Variants in ABI3BP observed in about 807,000 individuals in gnomAD.
ABI3BP encodes the protein target of Nesh-SH3.
A neutral mutation model predicts 268.6 loss-of-function variants in ABI3BP; 216 were observed. The ratio of observed to expected loss-of-function variants is 0.80; its 90% CI spans 0.72 to 0.90. The LOEUF (loss-of-function observed/expected upper bound fraction) is 0.90. Among genes scored for constraint, ABI3BP ranks in the 40% least tolerant of loss-of-function variants. The pLI, the probability that ABI3BP is intolerant of heterozygous loss-of-function variation, is 0.00. For synonymous variants in ABI3BP, 730 were observed against 730.0 expected, an observed-to-expected ratio of 1.00 and a Z score of 0.00; for missense variants, 2,090 against 2,182.4, an observed-to-expected ratio of 0.96 and a Z score of 0.84.
chr3:100,794,902 A>T, intron 54 of ABI3BP, 21 bp downstream of exon 54: 1 of 1,534,594 alleles, frequency 6.5e-7, no homozygotes. Context: ...CTCTTTGAAC[A>T]AATATTAAAA....
chr3:100,830,813 T>C (rs2098478636), intron 31 of ABI3BP, among the ~76,000 whole-genome samples, 179 bp from the exon 32 acceptor site: 1 of 152,150 alleles, frequency 6.6e-6, no homozygotes, highest in South Asian at 2.1e-4. Context: ...TTTAATCAGG[T>C]ACTCGTTTGA....
intron 59 of ABI3BP, 130 bp from the exon 60 acceptor site, chr3:100,775,465 G>A (rs2096671921): frequency 8.3e-7 from 1 of 1,201,016 alleles, no homozygotes; most frequent in Non-Finnish European, 1.2e-6. Flanking sequence ...GGCTTGGAGA[G>A]AAAACAAGAC....
intron 57 of ABI3BP, among the ~76,000 whole-genome samples, chr3:100,781,790 A>C (rs1414541291): frequency 6.6e-6 from 1 of 152,102 alleles, no homozygotes; most frequent in Non-Finnish European, 1.5e-5. Context: ...TTGATCCAAT[A>C]CTGTGCAAGT....
At chr3:100,877,244 C>T (rs1037118124) in intron 6 of ABI3BP, among the ~76,000 whole-genome samples, 5 of 152,134 alleles carry the variant, frequency 3.3e-5, no homozygotes, top group African/African-American at 1.2e-4. Context: ...GCTAAGCTAC[C>T]TATTATCTTT....
chr3:100,850,149 A>G, intron 16 of ABI3BP, 30 bp from the exon 17 acceptor site: 1 of 1,586,052 alleles, frequency 6.3e-7, no homozygotes, highest in African/African-American at 1.3e-5. Flanking sequence ...AACCCATCAA[A>G]TAATCCCAGT....
chr3:100,976,204 G>T (rs1192666098), intron 1 of ABI3BP, among the ~76,000 whole-genome samples: 1 of 152,102 alleles, frequency 6.6e-6, no homozygotes, highest in African/African-American at 2.4e-5. Flanking sequence ...TATGCTGCCT[G>T]CTTCTTCAAA....
intron 9 of ABI3BP, 80 bp from the exon 10 acceptor site, chr3:100,867,036 A>T (rs2099057334): frequency 8.4e-6 from 9 of 1,067,722 alleles, no homozygotes; most frequent in Middle Eastern, 2.0e-4. Context: ...CAAGTAGCAG[A>T]CTAAAAATCT....
intron 2 of ABI3BP, among the ~76,000 whole-genome samples, chr3:100,916,559 C>T (rs1435006576): frequency 6.6e-6 from 1 of 152,184 alleles, no homozygotes; most frequent in Non-Finnish European, 1.5e-5. Flanking sequence ...AAAGAGAATG[C>T]TAATAGTACC....
At chr3:100,860,547 G>A (rs1287246546) in intron 14 of ABI3BP, among the ~76,000 whole-genome samples, 1 of 152,036 alleles carries the variant, frequency 6.6e-6, no homozygotes. Context: ...TGGCATTTCC[G>A]ATATCATCTA....
In ABI3BP at chr3:100,893,929, G is replaced by A. The variant is rs76653652; in HGVS notation, c.461+4833C>T. ...TGTTTCTTGGAAAGAAGAGAAGAGA[G>A]GTAAAGATAAATTCAGGATGAGGAA... On this transcript the variant is annotated intron_variant, in intron 4 of 67. Coordinates refer to ENST00000471714, the MANE Select transcript of ABI3BP (RefSeq NM_001375547.2). Among the ~76,000 whole-genome samples the A allele has an allele frequency of 9.3e-3, 1,422 of 152,186 alleles. 15 individuals are homozygous for A. The highest frequency in any genetic ancestry group is 0.032 in the African/African-American group (1,329 of 41,510).
At chr3:100,939,131 C>T (rs2067666152) in intron 1 of ABI3BP, among the ~76,000 whole-genome samples, 1 of 152,054 alleles carries the variant, frequency 6.6e-6, no homozygotes, top group African/African-American at 2.4e-5. Flanking sequence ...CCCAGATTCT[C>T]CATCACTGTC....
At position 100,874,931 on chromosome 3, in the gene ABI3BP, G is replaced by A. The variant is rs2099145360; in HGVS notation, c.820C>T (p.His274Tyr). ...TCATTAAGACCTGGAATAATAAGGT[G>A]GACTGCAAGGAAATAGATGTAAATA... is the stretch of plus-strand genomic sequence containing the variant. ...KAPLGGVILV[H>Y]LIIPGLNETT... The change falls in exon 9 of 68, where the codon CAC (histidine) becomes TAC (tyrosine). Residue 274 changes from histidine to tyrosine, a missense_variant and splice_region_variant. Physicochemically the swap from His to Tyr is moderately conservative, Grantham distance 83. Transcript: ENST00000471714. 1.9e-6 allele frequency: 3 copies of A among 1,564,130 alleles called. No homozygotes were observed. Among genetic ancestry groups the A allele is most frequent in the Non-Finnish European group, 2.6e-6 (3 of 1,143,926 alleles).
chr3:100,893,603 G>A (rs1364272852), intron 4 of ABI3BP, among the ~76,000 whole-genome samples: 1 of 152,008 alleles, frequency 6.6e-6, no homozygotes, highest in South Asian at 2.1e-4. Context: ...AGTGGAAAAG[G>A]GATGGCAACT....
chr3:100,917,886 G>T (rs1485746598), intron 2 of ABI3BP, among the ~76,000 whole-genome samples: 1 of 152,146 alleles, frequency 6.6e-6, no homozygotes, highest in Non-Finnish European at 1.5e-5. Context: ...TGATGAAATG[G>T]TCATCTCTTA....
chr3:100,753,714 A>G (rs2095463070), intron 65 of ABI3BP, 105 bp downstream of exon 65: 1 of 1,241,506 alleles, frequency 8.1e-7, no homozygotes, highest in Non-Finnish European at 1.2e-6. Flanking sequence ...TTATAAGAAG[A>G]CTAAGTGGAA....
Position 100,753,861 on chromosome 3 carries a change from A to G in ABI3BP, c.4931-13T>C. 1 of 1,606,460 alleles carries G rather than the reference A, an allele frequency of 6.2e-7. No homozygotes were observed. The highest frequency in any genetic ancestry group is 8.5e-7 in the Non-Finnish European group (1 of 1,176,488). On this transcript the variant is annotated splice_polypyrimidine_tract_variant and intron_variant, in intron 64 of 67. Transcript: ENST00000471714. The stretch of plus-strand genomic sequence containing the variant: ...ACTCTTGGGTCCGCTGAGGAGAAAT[A>G]AATAGAAAAGTCAGACCTTACTAGG...
chr3:100,939,841 T>C lies in ABI3BP; in HGVS notation c.80-13360A>G, dbSNP rs538417330. ...GAGCACTGTGGGAGACTGGGGTCTA[T>C]TTCACCCCTAGAGTCTATAGACCAT... On this transcript the variant is annotated intron_variant, in intron 1 of 67. Transcript: ENST00000471714. Among the ~76,000 whole-genome samples, 5 of 152,018 alleles carry C rather than the reference T, an allele frequency of 3.3e-5. No individual in the cohort carries two copies. The East Asian group carries it at 9.7e-4, about 30-fold the overall frequency.
Position 100,813,663 on chromosome 3 carries a change from G to T in ABI3BP, c.3362C>A (p.Pro1121His), listed in dbSNP as rs76459464. Residue 1121 changes from proline (P) to histidine (H), a missense_variant and splice_region_variant, in exon 45 of 68, where the codon CCT becomes CAT. Coordinates refer to ENST00000471714, the MANE Select transcript of ABI3BP (RefSeq NM_001375547.2). ...SPSLEMTESQ[P>H]VSDVLESVTL... ...GACAGATAAAACAATCTATTTACCA[G>T]GTTGACTTTCTGTCATTTCTAGGCT... The T allele has an allele frequency of 2.0e-3, 3,052 of 1,533,962 alleles. 55 individuals carry two copies. The African/African-American group carries it at 0.035, about 18-fold the overall frequency.
rs149973577 is a variant in ABI3BP, at chr3:100,939,267, G to A, written c.80-12786C>T. The stretch of plus-strand genomic sequence containing the variant: ...CATGTCTTCCAGAAAGAGGGATGTC[G>A]CTGACAGTTGTTCAGGTTATGCAGT... On this transcript the variant is annotated intron_variant, in intron 1 of 67. Coordinates refer to ENST00000471714, the MANE Select transcript of ABI3BP (RefSeq NM_001375547.2). 1.3e-3 allele frequency among the ~76,000 whole-genome samples: 200 copies of A among 152,140 alleles called. 1 individual carries two copies. Among genetic ancestry groups the A allele is most frequent in the African/African-American group, 4.5e-3 (186 of 41,530 alleles).
Sources: allele counts gnomAD v4.1 joint callset (sites outside exome capture counted in the v4.1 genomes callset), GRCh38; gene constraint gnomAD v4.1.1; transcripts MANE v1.5; gene names NCBI Gene and HGNC (gene_info 2026-07-23, HGNC 2026-07-21).